The following RNF157 variants were observed in gnomAD, a reference collection of about 807,000 sequenced individuals.
RNF157 encodes the protein E3 ubiquitin ligase RNF157.
RNF157 carries 55 observed loss-of-function variants against 88.3 expected under a neutral mutation model. The ratio of observed to expected loss-of-function variants is 0.62; its 90% CI spans 0.50 to 0.78. RNF157 has a LOEUF of 0.78. Among genes scored for constraint, RNF157 ranks in the 30% least tolerant of loss-of-function variants. The pLI is 0.00. For synonymous variants in RNF157, 334 were observed against 341.2 expected, an observed-to-expected ratio of 0.98 and a Z score of 0.23; for missense variants, 788 against 860.8, an observed-to-expected ratio of 0.92 and a Z score of 1.06.
chr17:76,185,522 T>G (rs1040187949), intron 2 of RNF157, among the ~76,000 whole-genome samples: 21 of 149,630 alleles, frequency 1.4e-4, no homozygotes, highest in Admixed American at 6.7e-4. Context: ...CAGGCTGGAG[T>G]GCAGTGGCGC....
chr17:76,218,762 C>T (rs1307426285), intron 1 of RNF157, among the ~76,000 whole-genome samples: 1 of 151,966 alleles, frequency 6.6e-6, no homozygotes, highest in Non-Finnish European at 1.5e-5. Context: ...AGTGAAACTT[C>T]GTCTCTACTA....
intron 2 of RNF157, among the ~76,000 whole-genome samples, chr17:76,211,291 C>T (rs999849116): frequency 5.9e-5 from 9 of 152,240 alleles, no homozygotes; most frequent in African/African-American, 9.6e-5. Flanking sequence ...CCTGGAAAGG[C>T]CTCATCCAAC....
intron 13 of RNF157, among the ~76,000 whole-genome samples, chr17:76,158,069 G>A (rs1568026814): frequency 6.6e-6 from 1 of 151,978 alleles, no homozygotes; most frequent in Non-Finnish European, 1.5e-5. Context: ...CTGATCCACA[G>A]CACCATCAGG....
chr17:76,159,391 A>G lies in RNF157; in HGVS notation c.1248T>C (p.Leu416=). ...GACTGCTGCTGTCAGACAGGCGGTC[A>G]AGAGGCGAGATCGTCCTGACGGGGG... The part of the protein sequence containing the change: ...HLPPVRTISP[L]DRLSDSSSQG... The change falls in exon 12 of 19, where the codon CTT becomes CTC. Residue 416 remains leucine, a synonymous_variant. Coordinates refer to ENST00000269391, the MANE Select transcript of RNF157 (RefSeq NM_052916.3). 6.2e-7 allele frequency: 1 copy of G among 1,613,446 alleles called. No homozygotes were observed. The highest frequency in any genetic ancestry group is 1.7e-5 in the Admixed American group (1 of 59,862).
At chr17:76,183,535 C>T (rs2069232416) in intron 2 of RNF157, among the ~76,000 whole-genome samples, 1 of 151,984 alleles carries the variant, frequency 6.6e-6, no homozygotes, top group Admixed American at 6.6e-5. Context: ...GACCATAGTG[C>T]ACTACAGCCT....
intron 1 of RNF157, among the ~76,000 whole-genome samples, chr17:76,219,562 G>A (rs74723988): frequency 6.6e-6 from 1 of 152,128 alleles, no homozygotes; most frequent in East Asian, 1.9e-4. Flanking sequence ...CCAGACAGAA[G>A]GTAGATTTCT....
intron 1 of RNF157, among the ~76,000 whole-genome samples, chr17:76,215,736 T>G (rs1450405528): frequency 1.3e-5 from 2 of 152,136 alleles, no homozygotes; most frequent in Non-Finnish European, 2.9e-5. Context: ...GTGAGGCAAC[T>G]ATTGAATTAA....
intron 2 of RNF157, among the ~76,000 whole-genome samples, chr17:76,204,935 C>T (rs2069653641): frequency 6.6e-6 from 1 of 151,682 alleles, no homozygotes; most frequent in African/African-American, 2.4e-5. Context: ...CAAGCACCTG[C>T]CACCACGCCC....
intron 9 of RNF157, 195 bp from the exon 10 acceptor site, chr17:76,162,197 A>C (rs2068855916): frequency 1.9e-5 from 12 of 632,204 alleles, no homozygotes; most frequent in African/African-American, 3.7e-5. Flanking sequence ...TTTATCTAAA[A>C]TTGAGAGGAC....
intron 2 of RNF157, among the ~76,000 whole-genome samples, chr17:76,200,227 G>A (rs2069550862): frequency 6.6e-6 from 1 of 151,568 alleles, no homozygotes; most frequent in South Asian, 2.1e-4. Flanking sequence ...GGGCGACAGA[G>A]CGGGACTCCG....
intron 2 of RNF157, among the ~76,000 whole-genome samples, chr17:76,198,448 A>T (rs997232945): frequency 3.3e-5 from 5 of 151,998 alleles, no homozygotes; most frequent in African/African-American, 1.2e-4. Context: ...CTTCGTGTCT[A>T]CTCCACGAGA....
chr17:76,183,850 A>G (rs1435393538), intron 2 of RNF157, among the ~76,000 whole-genome samples: 1 of 152,072 alleles, frequency 6.6e-6, no homozygotes, highest in Non-Finnish European at 1.5e-5. Context: ...TACCAAAAAT[A>G]TGCTTCCAAA....
chr17:76,147,293 G>T, intron 18 of RNF157: 1 of 985,446 alleles, frequency 1.0e-6, no homozygotes, highest in South Asian at 4.7e-5. Flanking sequence ...TTATGGGGCA[G>T]GACTCCGGAG....
chr17:76,194,922 G>GGA (rs1335653546), intron 2 of RNF157, among the ~76,000 whole-genome samples: 4 of 152,156 alleles, frequency 2.6e-5, no homozygotes, highest in Non-Finnish European at 5.9e-5. Context: ...GGCTGAGGCA[G>GGA]CAGAATGGCG....
At chr17:76,150,886 A>G (rs1025149760) in intron 18 of RNF157, among the ~76,000 whole-genome samples, 1 of 152,262 alleles carries the variant, frequency 6.6e-6, no homozygotes, top group African/African-American at 2.4e-5. Context: ...ATTGGCAGGG[A>G]GGACAGTGCT....
intron 2 of RNF157, among the ~76,000 whole-genome samples, chr17:76,197,506 A>C (rs2069497552): frequency 6.6e-6 from 1 of 152,156 alleles, no homozygotes; most frequent in South Asian, 2.1e-4. Context: ...TTATAAGAAA[A>C]ACTAAAAATA....
At position 76,210,339 on chromosome 17, in the gene RNF157, A is replaced by G. The variant is rs368491934; in HGVS notation, c.207+2025T>C. Among the ~76,000 whole-genome samples, 283 of 152,036 alleles carry G rather than the reference A, an allele frequency of 1.9e-3. 1 individual carries two copies. The highest frequency in any genetic ancestry group is 6.6e-3 in the African/African-American group (273 of 41,494). On this transcript the variant is annotated intron_variant, in intron 2 of 18. Transcript: ENST00000269391. ...CCGGGCGCAGTGGCTCATGCCTGTAATCCCAGCACTTTGGGAGGCCAAGGT... is the reference window on the plus strand; with the variant it reads ...CCGGGCGCAGTGGCTCATGCCTGTAGTCCCAGCACTTTGGGAGGCCAAGGT...
Position 76,176,666 on chromosome 17 carries a change from C to T in RNF157, c.208-2876G>A, listed in dbSNP as rs892448519. ...CAGCTTGCCGCCCTGGAGGCCACCC[C>T]ATGGGGCTGGCCGGGTTACCCACCA... On this transcript the variant is annotated intron_variant, in intron 2 of 18. Coordinates refer to ENST00000269391, the MANE Select transcript of RNF157 (RefSeq NM_052916.3). This position sits in a 1 kb window ranked among gnomAD's most constrained non-coding sequence, Gnocchi z 4.2. Among the ~76,000 whole-genome samples, 8 of 152,192 alleles carry T rather than the reference C, an allele frequency of 5.3e-5. No homozygotes were observed. Among genetic ancestry groups the T allele is most frequent in the Admixed American group, 3.9e-4 (6 of 15,280 alleles).
In RNF157 at chr17:76,240,104, G is replaced by A; in HGVS notation, c.88+49C>T. ...TCAGGCCGTCCCGACCCAGACCCCT[G>A]CCCCTGCCCCTCTCCCTCCTCGCGG... On this transcript the variant is annotated intron_variant, in intron 1 of 18. Coordinates refer to ENST00000269391, the MANE Select transcript of RNF157 (RefSeq NM_052916.3). This position sits in a 1 kb window ranked among gnomAD's most constrained non-coding sequence, Gnocchi z 4.4. 8.7e-7 allele frequency: 1 copy of A among 1,144,650 alleles called. No homozygotes were observed. The highest frequency in any genetic ancestry group is 1.1e-6 in the Non-Finnish European group (1 of 898,852). The allele number at this position is 1,144,650 out of a possible 1,614,324, so 70.9% of individuals were successfully genotyped here. A position where few individuals can be genotyped will look rare whatever the true frequency, so the allele number is the denominator to read the frequency against.
Sources: allele counts gnomAD v4.1 joint callset (sites outside exome capture counted in the v4.1 genomes callset), GRCh38; gene constraint gnomAD v4.1.1; non-coding constraint Gnocchi (gnomAD v3.1); transcripts MANE v1.5; gene names NCBI Gene and HGNC (gene_info 2026-07-23, HGNC 2026-07-21).